Variants in FSTL5 observed in about 807,000 individuals in gnomAD.
FSTL5 encodes the protein follistatin like 5, also known as follistatin-related protein 5.
In FSTL5, 62 loss-of-function variants were observed where a neutral mutation model predicts 89.1. That is an observed-to-expected ratio of 0.70 (90% CI 0.57 to 0.86). The LOEUF (loss-of-function observed/expected upper bound fraction) is 0.86. Ranked by LOEUF, FSTL5 falls within the 40% of genes least tolerant of loss-of-function variation. The pLI, the probability that FSTL5 is intolerant of heterozygous loss-of-function variation, is 0.00. For missense variants in FSTL5, 1,057 were observed against 1,001.6 expected (o/e 1.06, Z -0.75); for synonymous variants, 383 against 346.2 (o/e 1.11, Z -1.18).
intron 6 of FSTL5, among the ~76,000 whole-genome samples, chr4:161,671,658 G>C (rs958885158): frequency 2.0e-5 from 3 of 151,784 alleles, no homozygotes; most frequent in Non-Finnish European, 4.4e-5. Context: ...ATTTAGATAT[G>C]AGTGAGTTCA....
intron 6 of FSTL5, among the ~76,000 whole-genome samples, chr4:161,684,197 T>G (rs140185238): frequency 6.6e-6 from 1 of 152,314 alleles, no homozygotes; most frequent in African/African-American, 2.4e-5. Flanking sequence ...TTTAGGTTGG[T>G]TCCATGTTTT....
intron 3 of FSTL5, among the ~76,000 whole-genome samples, chr4:161,926,971 A>G (rs1169916688): frequency 6.6e-6 from 1 of 151,842 alleles, no homozygotes; most frequent in Non-Finnish European, 1.5e-5. Context: ...CACGTAGACC[A>G]TATGTGAATT....
chr4:161,982,799 T>C (rs1298243421), intron 3 of FSTL5, among the ~76,000 whole-genome samples: 1 of 152,204 alleles, frequency 6.6e-6, no homozygotes, highest in African/African-American at 2.4e-5. Context: ...TTACTAAAAA[T>C]ATTCATGGAC....
intron 4 of FSTL5, among the ~76,000 whole-genome samples, chr4:161,849,608 ATCT>A (rs1731489521): frequency 6.6e-6 from 1 of 151,484 alleles, no homozygotes; most frequent in Non-Finnish European, 1.5e-5. Flanking sequence ...TTTTTTGTTC[ATCT>A]TCTTTGCTTA....
chr4:161,423,882 T>C (rs67725943), intron 15 of FSTL5, among the ~76,000 whole-genome samples: 23,528 of 151,240 alleles, frequency 0.16, 1,978 homozygotes, highest in East Asian at 0.24. Flanking sequence ...TTTTTTGAGA[T>C]GGAGTCTCAC....
intron 2 of FSTL5, among the ~76,000 whole-genome samples, chr4:162,038,343 G>C (rs562809387): frequency 1.6e-4 from 25 of 151,726 alleles, no homozygotes; most frequent in Non-Finnish European, 3.4e-4. Context: ...ATGGCTAAAA[G>C]CTTTAGCAGA....
intron 3 of FSTL5, among the ~76,000 whole-genome samples, chr4:161,959,682 G>A (rs950980427): frequency 6.6e-6 from 1 of 152,058 alleles, no homozygotes; most frequent in Non-Finnish European, 1.5e-5. Flanking sequence ...GATGTTTCTT[G>A]GTATGCAGAT....
Position 161,749,800 on chromosome 4 carries a change from T to A in FSTL5, c.727+9611A>T, listed in dbSNP as rs549146900. On this transcript the variant is annotated intron_variant, in intron 6 of 15. Coordinates refer to ENST00000306100, the MANE Select transcript of FSTL5 (RefSeq NM_020116.5). ...GAGCGAGACTCCGTCAAAAAAAAAA[T>A]AAAAATAAAAATAAATAAATAAATA... Among the ~76,000 whole-genome samples, 48 of 148,204 alleles carry A rather than the reference T, an allele frequency of 3.2e-4. 1 individual carries two copies. Among genetic ancestry groups the A allele is most frequent in the Middle Eastern group, 3.5e-3 (1 of 288 alleles).
intron 10 of FSTL5, among the ~76,000 whole-genome samples, chr4:161,526,972 T>C (rs572233144): frequency 6.6e-6 from 1 of 152,336 alleles, no homozygotes; most frequent in Admixed American, 6.5e-5. Flanking sequence ...TTTCCAATTC[T>C]GTGAAGAAAG....
chr4:161,971,962 T>C (rs1735497675), intron 3 of FSTL5, among the ~76,000 whole-genome samples: 1 of 152,166 alleles, frequency 6.6e-6, no homozygotes, highest in East Asian at 1.9e-4. Flanking sequence ...CCATACCAAG[T>C]CAAAGTTACT....
At chr4:162,142,968 A>G (rs529842275) in intron 1 of FSTL5, among the ~76,000 whole-genome samples, 1 of 152,162 alleles carries the variant, frequency 6.6e-6, no homozygotes, top group Non-Finnish European at 1.5e-5. Flanking sequence ...AGTAATGACA[A>G]CTGTTACTAT....
At position 161,681,069 on chromosome 4, in the gene FSTL5, G is replaced by A. The variant is rs1339771159; in HGVS notation, c.728-24575C>T. 2.0e-5 allele frequency among the ~76,000 whole-genome samples: 3 copies of A among 152,016 alleles called. No homozygotes were observed. In the East Asian group the frequency reaches 5.8e-4, roughly 29 times the overall value. ...TTCCGTTACATGAGCGAGTAGCTGT[G>A]GAAATCAATTAATGAAGCAGATAAA... On this transcript the variant is annotated intron_variant, in intron 6 of 15. Transcript: ENST00000306100.
intron 6 of FSTL5, among the ~76,000 whole-genome samples, chr4:161,745,843 T>G (rs1421370265): frequency 1.3e-5 from 2 of 152,128 alleles, no homozygotes; most frequent in Non-Finnish European, 2.9e-5. Context: ...TAAAATGAAT[T>G]ATGGTCAATG....
intron 5 of FSTL5, among the ~76,000 whole-genome samples, chr4:161,761,390 C>T (rs924653251): frequency 1.6e-4 from 24 of 152,186 alleles, no homozygotes; most frequent in Admixed American, 1.5e-3. Flanking sequence ...GCAGTGTGCG[C>T]GATTCTACCG....
chr4:162,093,367 A>T (rs1403740504), intron 2 of FSTL5, among the ~76,000 whole-genome samples: 3 of 152,180 alleles, frequency 2.0e-5, no homozygotes, highest in African/African-American at 7.2e-5. Flanking sequence ...TTTGTTGGGA[A>T]ATCCCAACAC....
chr4:161,496,725 CTGCAGT>C (rs1730087793), intron 12 of FSTL5, among the ~76,000 whole-genome samples: 1 of 151,760 alleles, frequency 6.6e-6, no homozygotes, highest in Non-Finnish European at 1.5e-5. Context: ...CATATCCCAC[CTGCAGT>C]TGTGTGAGCC....
intron 14 of FSTL5, among the ~76,000 whole-genome samples, chr4:161,456,438 C>T (rs146973419): frequency 9.7e-4 from 148 of 152,096 alleles, no homozygotes; most frequent in African/African-American, 2.0e-3. Context: ...TCGTATTTGA[C>T]GAAGACGTAT....
At chr4:161,499,957 G>A (rs57337277) in intron 12 of FSTL5, 59 bp downstream of exon 12, 176,812 of 960,706 alleles carry the variant, frequency 0.18, 18,365 homozygotes, top group East Asian at 0.36. Context: ...TTTCCAAAAC[G>A]TAATTCTACT....
chr4:161,996,258 T>C (rs559882758), intron 3 of FSTL5, among the ~76,000 whole-genome samples: 1 of 152,344 alleles, frequency 6.6e-6, no homozygotes, highest in South Asian at 2.1e-4. Context: ...CTCCAGTGGG[T>C]GGCTGCAGGC....
Sources: gnomAD v4.1 joint callset for allele counts (sites outside exome capture counted in the v4.1 genomes callset) on GRCh38, gnomAD v4.1.1 for gene constraint, MANE v1.5 for transcripts, NCBI Gene and HGNC (gene_info 2026-07-23, HGNC 2026-07-21) for gene names.